DMRT2: variants seen among roughly 807,000 people sequenced by gnomAD.
The protein encoded by DMRT2 is doublesex- and mab-3-related transcription factor 2.
Under a neutral mutation model 43.5 loss-of-function variants are expected in DMRT2, and 33 were observed. The observed-to-expected ratio is 0.76, with a 90% CI of 0.58 to 1.01. The LOEUF is 1.01. DMRT2 is among the 50% of genes least tolerant of loss of function. The probability of loss-of-function intolerance (pLI) is 0.00; values close to 1 mark genes in which losing one functional copy is unlikely to be tolerated. For synonymous variants in DMRT2, 395 were observed against 309.2 expected (o/e 1.28, Z -2.91); for missense variants, 1,064 against 748.0 (o/e 1.42, Z -4.93).
Position 1,057,399 on chromosome 9 carries a change from A to C in DMRT2, c.*126A>C. The C allele has an allele frequency of 9.5e-7, 1 of 1,050,522 alleles. No homozygotes were observed. Among genetic ancestry groups the C allele is most frequent in the Non-Finnish European group, 1.3e-6 (1 of 750,058 alleles). The allele number at this position is 1,050,522 out of a possible 1,614,324, so 65.1% of individuals were successfully genotyped here. On this transcript the variant is annotated 3_prime_UTR_variant, in exon 4 of 4. Transcript: ENST00000358146. Reference sequence around the variant, plus strand: ...TAATGTAAAGATGATGATTTTGAAAAATTTTATATATTCCTAATATGCATG... The same window carrying C: ...TAATGTAAAGATGATGATTTTGAAACATTTTATATATTCCTAATATGCATG...
rs17641078 is a variant in DMRT2 at position 1,056,959 on chromosome 9, G to A, written c.1372G>A (p.Glu458Lys). Residue 458 changes from glutamate (E) to lysine (K), a missense_variant, in exon 4 of 4, where the codon GAA becomes AAA. Physicochemically the swap from Glu to Lys is moderately conservative, Grantham distance 56. Coordinates refer to ENST00000358146, the MANE Select transcript of DMRT2 (RefSeq NM_181872.6). ...GCATGTCTTAACGAAGATCAGCAAA[G>A]AAAACACCAGGCACCCTCTGCCACT... is the stretch of plus-strand genomic sequence containing the variant. ...QGHVLTKISK[E>K]NTRHPLPLRH... The A allele has an allele frequency of 2.5e-6, 4 of 1,613,984 alleles. No homozygotes were observed. In the East Asian group the frequency reaches 8.9e-5, roughly 36 times the overall value.
In DMRT2 at chr9:1,057,201, T is replaced by A. The variant is rs1307381213; in HGVS notation, c.1614T>A (p.Asn538Lys). 5 of 1,614,100 alleles carry A rather than the reference T, an allele frequency of 3.1e-6. No individual in the cohort carries two copies. The highest frequency in any genetic ancestry group is 4.2e-6 in the Non-Finnish European group (5 of 1,180,002). ...AKQVGTKLSV[N>K]EPLSFSVESI... is the part of the protein sequence containing the mutation. ...AAGTTGGAACAAAACTCTCGGTGAA[T>A]GAACCACTGTCATTTTCTGTTGAGT... Residue 538 changes from asparagine to lysine, a missense_variant, in exon 4 of 4, where the codon AAT becomes AAA. Transcript: ENST00000358146.
Position 1,056,253 on chromosome 9 carries a change from G to A in DMRT2, c.666G>A (p.Gly222=), listed in dbSNP as rs143412065. 2 of 1,613,910 alleles carry A rather than the reference G, an allele frequency of 1.2e-6. No homozygotes were observed. The highest frequency in any genetic ancestry group is 8.5e-7 in the Non-Finnish European group (1 of 1,179,918). ...TTCCAGCGGAGACTTATGTAGGAGGGACCTTCCCTCTACCTCCCCCAGTTA... is the reference window on the plus strand; with the variant it reads ...TTCCAGCGGAGACTTATGTAGGAGGAACCTTCCCTCTACCTCCCCCAGTTA... ...RPIPAETYVG[G]TFPLPPPVSD... Residue 222 remains glycine, a synonymous_variant, in exon 4 of 4, where the codon GGG becomes GGA. Transcript: ENST00000358146.
At chr9:1,054,450 T>G (rs1446170052) in intron 3 of DMRT2, among the ~76,000 whole-genome samples, 3 of 151,908 alleles carry the variant, frequency 2.0e-5, no homozygotes, top group Non-Finnish European at 2.9e-5. Flanking sequence ...TTCCTATTAT[T>G]CCAAACTTCA....
At chr9:1,055,977 C>G in intron 3 of DMRT2, 1 of 1,405,736 alleles carries the variant, frequency 7.1e-7, no homozygotes, top group Non-Finnish European at 9.2e-7. Flanking sequence ...ATAACAACCA[C>G]AACAAGCAAC....
At chr9:1,055,823 G>C (rs764399352) in intron 3 of DMRT2, 1 of 1,513,932 alleles carries the variant, frequency 6.6e-7, no homozygotes, top group Admixed American at 2.5e-5. Context: ...TTTTAATAAT[G>C]AAAAAAGATG....
intron 2 of DMRT2, chr9:1,053,060 G>C (rs6474551): frequency 0.17 from 25,948 of 152,276 alleles, 2,284 homozygotes; most frequent in African/African-American, 0.19. Context: ...GTCCCGCATG[G>C]GTCATCGCCT....
At position 1,056,870 on chromosome 9, in the gene DMRT2, C is replaced by T. The variant is rs41311430; in HGVS notation, c.1283C>T (p.Ala428Val). The T allele has an allele frequency of 0.014, 21,808 of 1,614,146 alleles. 199 individuals carry two copies. The highest frequency in any genetic ancestry group is 0.022 in the Middle Eastern group (131 of 6,062). Residue 428 changes from alanine (A) to valine (V), a missense_variant, in exon 4 of 4, where the codon GCG (alanine) becomes GTG (valine). Physicochemically the swap from Ala to Val is moderately conservative, Grantham distance 64. Transcript: ENST00000358146. ...QGHQAVPERS[A>V]FSPPRRNFSP... Reference sequence around the variant, plus strand: ...CATCAGGCTGTCCCAGAGAGGTCCGCGTTCTCCCCACCCCGACGGAATTTC... The same window carrying T: ...CATCAGGCTGTCCCAGAGAGGTCCGTGTTCTCCCCACCCCGACGGAATTTC...
At chr9:1,056,185 C>T (rs1821969802) in intron 3 of DMRT2, 31 bp from the exon 4 acceptor site, 1 of 1,565,244 alleles carries the variant, frequency 6.4e-7, no homozygotes, top group African/African-American at 1.4e-5. Context: ...AGATGTTAAT[C>T]TCTTTCATGT....
chr9:1,055,563 A>G (rs1821918993), intron 3 of DMRT2, among the ~76,000 whole-genome samples: 1 of 151,726 alleles, frequency 6.6e-6, no homozygotes, highest in African/African-American at 2.4e-5. Flanking sequence ...TTGTAGTGGT[A>G]TCAGGGGAAG....
intron 2 of DMRT2, among the ~76,000 whole-genome samples, chr9:1,052,744 A>G (rs1241561814): frequency 2.0e-5 from 3 of 152,182 alleles, no homozygotes; most frequent in African/African-American, 4.8e-5. Context: ...GCTGCTTCCC[A>G]TCGGAGGACT....
chr9:1,054,274 C>T (rs912348957), intron 3 of DMRT2, among the ~76,000 whole-genome samples: 2 of 152,208 alleles, frequency 1.3e-5, no homozygotes, highest in Non-Finnish European at 2.9e-5. Flanking sequence ...AACAAAACAA[C>T]ACAACCACGT....
chr9:1,055,484 T>C (rs1325442458), intron 3 of DMRT2, among the ~76,000 whole-genome samples: 1 of 152,206 alleles, frequency 6.6e-6, no homozygotes, highest in Non-Finnish European at 1.5e-5. Context: ...TTCAGAACAG[T>C]TATTTTCGAT....
chr9:1,052,287 G>A lies in DMRT2; in HGVS notation c.525+149G>A, dbSNP rs958018946. On this transcript the variant is annotated intron_variant, in intron 2 of 3. Transcript: ENST00000358146. ...GGATGGTAAGAACGCTTTTCTGCTT[G>A]CACTGGCGAGCAGGGTCGGGAGGGA... 2.6e-5 allele frequency: 14 copies of A among 539,570 alleles called. No individual in the cohort carries two copies. In the South Asian group the frequency reaches 3.5e-4, roughly 13 times the overall value. The allele number at this position is 539,570 out of a possible 1,614,324, so 33.4% of individuals were successfully genotyped here.
chr9:1,057,061 G>T lies in DMRT2; in HGVS notation c.1474G>T (p.Val492Phe), dbSNP rs141434125. The T allele has an allele frequency of 4.2e-5, 67 of 1,614,172 alleles. No homozygotes were observed. In the East Asian group the frequency reaches 1.5e-3, roughly 35 times the overall value. Reference sequence around the variant, plus strand: ...GGGTCCTGAGTTGAAAACACCATTTGTCAAAGAGGCCTTTGAAGAGACCCC... The same window carrying T: ...GGGTCCTGAGTTGAAAACACCATTTTTCAAAGAGGCCTTTGAAGAGACCCC... ...KSGPELKTPFVKEAFEETPKK... is the reference protein window; with the variant it reads ...KSGPELKTPFFKEAFEETPKK... The change falls in exon 4 of 4, where the codon GTC becomes TTC. Residue 492 changes from valine to phenylalanine, a missense_variant. By Grantham distance (50) the Val-to-Phe change is conservative (BLOSUM62 -1). Coordinates refer to ENST00000358146, the MANE Select transcript of DMRT2 (RefSeq NM_181872.6).
rs905133310 is a variant in DMRT2, at chr9:1,051,026, G to A, written c.-45+251G>A. Among the ~76,000 whole-genome samples the A allele has an allele frequency of 2.0e-5, 3 of 152,238 alleles. No homozygotes were observed. Among genetic ancestry groups the A allele is most frequent in the East Asian group, 1.9e-4 (1 of 5,166 alleles). On this transcript the variant is annotated intron_variant, in intron 1 of 3. Transcript: ENST00000358146. The surrounding 1 kb of genome is among the most constrained non-coding windows in gnomAD (Gnocchi z 5.9). ...GGTTTTCAGTTGAGTATTTTGGGGA[G>A]GGGGGTGAGAGGACCTCTTCAAGCC...
In DMRT2 at chr9:1,056,242, T is replaced by C; in HGVS notation, c.655T>C (p.Tyr219His). ...EGYRPIPAET[Y>H]VGGTFPLPPP... ...CTATCGCCCCATTCCAGCGGAGACT[T>C]ATGTAGGAGGGACCTTCCCTCTACC... The change falls in exon 4 of 4, where the codon TAT (tyrosine) becomes CAT (histidine). Residue 219 changes from tyrosine to histidine, a missense_variant. Tyr to His is a moderately conservative substitution (Grantham distance 83). Transcript: ENST00000358146. 2 of 1,612,764 alleles carry C rather than the reference T, an allele frequency of 1.2e-6. No homozygotes were observed. Among genetic ancestry groups the C allele is most frequent in the Middle Eastern group, 3.3e-4 (2 of 6,040 alleles).
At position 1,057,142 on chromosome 9, in the gene DMRT2, G is replaced by C; in HGVS notation, c.1555G>C (p.Asp519His). Residue 519 changes from aspartate to histidine, a missense_variant, in exon 4 of 4, where the codon GAT becomes CAT. Asp to His is a moderately conservative substitution (Grantham distance 81). Coordinates refer to ENST00000358146, the MANE Select transcript of DMRT2 (RefSeq NM_181872.6). ...KDNQKYTFTI[D>H]RCAKDLFVAK... Reference sequence around the variant, plus strand: ...CAACCAGAAGTACACATTTACAATAGATAGATGTGCAAAAGACCTTTTTGT... The same window carrying C: ...CAACCAGAAGTACACATTTACAATACATAGATGTGCAAAAGACCTTTTTGT... The C allele has an allele frequency of 1.9e-6, 3 of 1,614,118 alleles. No individual in the cohort carries two copies. Among genetic ancestry groups the C allele is most frequent in the Non-Finnish European group, 2.5e-6 (3 of 1,180,044 alleles).
chr9:1,057,169 G>A lies in DMRT2; in HGVS notation c.1582G>A (p.Ala528Thr). The part of the protein sequence containing the change: ...IDRCAKDLFV[A>T]KQVGTKLSVN... Reference sequence around the variant, plus strand: ...TAGATGTGCAAAAGACCTTTTTGTAGCCAAACAAGTTGGAACAAAACTCTC... The same window carrying A: ...TAGATGTGCAAAAGACCTTTTTGTAACCAAACAAGTTGGAACAAAACTCTC... Residue 528 changes from alanine to threonine, a missense_variant, in exon 4 of 4, where the codon GCC (alanine) becomes ACC (threonine). Transcript: ENST00000358146. 1 of 1,614,012 alleles carries A rather than the reference G, an allele frequency of 6.2e-7. No individual in the cohort carries two copies. The highest frequency in any genetic ancestry group is 8.5e-7 in the Non-Finnish European group (1 of 1,179,994).
Sources: allele counts gnomAD v4.1 joint callset (sites outside exome capture counted in the v4.1 genomes callset), GRCh38; gene constraint gnomAD v4.1.1; non-coding constraint Gnocchi (gnomAD v3.1); transcripts MANE v1.5; gene names NCBI Gene and HGNC (gene_info 2026-07-23, HGNC 2026-07-21).